Variants in DNMBP observed in about 807,000 individuals in gnomAD.
DNMBP encodes dynamin-binding protein.
Under a neutral mutation model 150.0 loss-of-function variants are expected in DNMBP, and 87 were observed. The observed-to-expected ratio is 0.58, with a 90% CI of 0.49 to 0.69. The LOEUF is 0.69. DNMBP is among the 30% of genes least tolerant of loss of function. The pLI is 0.00. For synonymous variants in DNMBP, 711 were observed against 750.4 expected, an observed-to-expected ratio of 0.95 and a Z score of 0.86; for missense variants, 1,774 against 1,949.0, an observed-to-expected ratio of 0.91 and a Z score of 1.69.
At chr10:99,879,558 G>A (rs2039330769) in intron 16 of DNMBP, among the ~76,000 whole-genome samples, 1 of 152,122 alleles carries the variant, frequency 6.6e-6, no homozygotes, top group Non-Finnish European at 1.5e-5. Context: ...GAATAATGAA[G>A]TTGTCATTAT....
At chr10:99,988,084 A>C (rs1198710048) in intron 1 of DNMBP, among the ~76,000 whole-genome samples, 2 of 152,194 alleles carry the variant, frequency 1.3e-5, no homozygotes, top group Admixed American at 1.3e-4. Context: ...TTAATAAAAA[A>C]AAAAATCATG....
chr10:99,886,624 C>A lies in DNMBP; in HGVS notation c.3294G>T (p.Arg1098Ser). 1 of 1,612,452 alleles carries A rather than the reference C, an allele frequency of 6.2e-7. No homozygotes were observed. Among genetic ancestry groups the A allele is most frequent in the African/African-American group, 1.3e-5 (1 of 74,914 alleles). Residue 1098 changes from arginine (R) to serine (S), a missense_variant, in exon 13 of 17, where the codon AGG becomes AGT. Coordinates refer to ENST00000324109, the MANE Select transcript of DNMBP (RefSeq NM_015221.4). ...SDQLFTNFKE[R>S]TERLVISPLN... ...AGGGGGAGATGACAAGCCGCTCTGTCCTCTCCTTCTGTAGGGACGAGAAAG... is the reference window on the plus strand; with the variant it reads ...AGGGGGAGATGACAAGCCGCTCTGTACTCTCCTTCTGTAGGGACGAGAAAG...
Position 99,972,067 on chromosome 10 carries a change from C to T in DNMBP, c.58G>A (p.Glu20Lys), listed in dbSNP as rs1166551504. The T allele has an allele frequency of 1.2e-6, 2 of 1,613,882 alleles. No homozygotes were observed. Among genetic ancestry groups the T allele is most frequent in the Non-Finnish European group, 1.7e-6 (2 of 1,179,986 alleles). Residue 20 changes from glutamate (E) to lysine (K), a missense_variant, in exon 2 of 17, where the codon GAA (glutamate) becomes AAA (lysine). By Grantham distance (56) the Glu-to-Lys change is moderately conservative. Around this residue, in one of 2 missense-constraint regions of DNMBP, gnomAD observed 344 missense variants for 456.6 expected, o/e 0.75. Coordinates refer to ENST00000324109, the MANE Select transcript of DNMBP (RefSeq NM_015221.4). ...IFDFCPSVSE[E>K]LPLFVGDIIE... ...ATATCTCCCACAAAGAGCGGCAGTT[C>T]TTCTGATACGCTAGGGCAGAAGTCA...
intron 4 of DNMBP, among the ~76,000 whole-genome samples, chr10:99,946,677 A>C (rs2040360537): frequency 6.6e-6 from 1 of 152,140 alleles, no homozygotes; most frequent in Non-Finnish European, 1.5e-5. Context: ...CCTAGTTAAC[A>C]CTCTTCTAGA....
At chr10:99,986,479 T>C (rs2040828125) in intron 1 of DNMBP, among the ~76,000 whole-genome samples, 1 of 151,484 alleles carries the variant, frequency 6.6e-6, no homozygotes, top group African/African-American at 2.4e-5. Flanking sequence ...TACTTTAAGC[T>C]GAATTTTGAA....
chr10:99,911,761 G>A (rs1471157438), intron 4 of DNMBP, among the ~76,000 whole-genome samples: 3 of 152,118 alleles, frequency 2.0e-5, no homozygotes, highest in African/African-American at 7.2e-5. Context: ...GAACTTTTTG[G>A]TAGAATGAAT....
rs773758559 is a variant in DNMBP at position 99,955,750 on chromosome 10, C to T, written c.1724G>A (p.Arg575His). 32 of 1,614,214 alleles carry T rather than the reference C, an allele frequency of 2.0e-5. No individual in the cohort carries two copies. Among genetic ancestry groups the T allele is most frequent in the Admixed American group, 1.5e-4 (9 of 60,028 alleles). ...GTTAAAGTCCATGATTGAAAAGTGG[C>T]GTAAAATTTTATCTGGCTCTGTGCC... ...GPGTEPDKILRHFSIMDFNSE... is the reference protein window; with the variant it reads ...GPGTEPDKILHHFSIMDFNSE... The change falls in exon 4 of 17, where the codon CGC becomes CAC. Residue 575 changes from arginine to histidine, a missense_variant. Arg to His is a conservative substitution (Grantham distance 29). This residue lies in a region of DNMBP where 1,430 missense variants were observed against 1,492.5 expected (regional missense o/e 0.96). Transcript: ENST00000324109.
intron 16 of DNMBP, among the ~76,000 whole-genome samples, chr10:99,877,758 C>A (rs571196236): frequency 6.6e-6 from 1 of 152,012 alleles, no homozygotes; most frequent in African/African-American, 2.4e-5. Flanking sequence ...CAGCTACTCA[C>A]GAGGCTGAGA....
chr10:99,951,517 G>A (rs1363829624), intron 4 of DNMBP, among the ~76,000 whole-genome samples: 2 of 152,236 alleles, frequency 1.3e-5, no homozygotes, highest in South Asian at 2.1e-4. Context: ...ACCCTGGAGA[G>A]CCACAGGGGC....
intron 1 of DNMBP, among the ~76,000 whole-genome samples, chr10:99,977,923 G>A (rs2040746209): frequency 1.3e-5 from 2 of 152,086 alleles, no homozygotes; most frequent in Admixed American, 1.3e-4. Flanking sequence ...TATGGCACTG[G>A]CAACAGTGCC....
chr10:99,971,296 G>A (rs771253599), intron 2 of DNMBP, among the ~76,000 whole-genome samples: 1 of 142,994 alleles, frequency 7.0e-6, no homozygotes, highest in African/African-American at 2.7e-5. Flanking sequence ...TTCCCATTTA[G>A]CTAGCTTTCT....
intron 1 of DNMBP, among the ~76,000 whole-genome samples, chr10:99,989,401 G>C (rs1245762185): frequency 6.6e-6 from 1 of 152,174 alleles, no homozygotes; most frequent in Non-Finnish European, 1.5e-5. Flanking sequence ...CTGGGCCCCA[G>C]AATGAAGACA....
intron 6 of DNMBP, among the ~76,000 whole-genome samples, chr10:99,903,681 G>A (rs7896859): frequency 6.6e-6 from 1 of 151,912 alleles, no homozygotes; most frequent in Non-Finnish European, 1.5e-5. Flanking sequence ...TCATCTGGTT[G>A]CACCATTCTA....
At chr10:99,943,841 T>C (rs996618203) in intron 4 of DNMBP, among the ~76,000 whole-genome samples, 1 of 152,260 alleles carries the variant, frequency 6.6e-6, no homozygotes, top group African/African-American at 2.4e-5. Flanking sequence ...AAAGACGTTA[T>C]TGTTCCATAT....
intron 1 of DNMBP, among the ~76,000 whole-genome samples, chr10:99,992,601 A>G (rs1250994968): frequency 6.9e-6 from 1 of 144,110 alleles, no homozygotes; most frequent in Non-Finnish European, 1.5e-5. Context: ...ATCTCGGCTC[A>G]CTGCAAGCTC....
At chr10:99,962,659 G>A (rs2040577595) in intron 3 of DNMBP, among the ~76,000 whole-genome samples, 1 of 151,996 alleles carries the variant, frequency 6.6e-6, no homozygotes, top group South Asian at 2.1e-4. Context: ...AAAACCACAA[G>A]TAATTTTTCC....
chr10:99,993,799 T>C (rs2040923230), intron 1 of DNMBP, among the ~76,000 whole-genome samples: 1 of 152,076 alleles, frequency 6.6e-6, no homozygotes, highest in South Asian at 2.1e-4. Flanking sequence ...CAAGACCCTG[T>C]CTTTAAAAAA....
Position 99,888,853 on chromosome 10 carries a change from T to C in DNMBP, c.3257A>G (p.Tyr1086Cys). Residue 1086 changes from tyrosine to cysteine, a missense_variant, in exon 12 of 17, where the codon TAC becomes TGC. Transcript: ENST00000324109. ...DLEQFERVHR[Y>C]ISDQLFTNFK... ...GTTTGTGAAGAGCTGGTCACTGATG[T>C]AGCGATGCACCCTCTCAAACTGCTC... The C allele has an allele frequency of 6.2e-7, 1 of 1,614,138 alleles. No individual in the cohort carries two copies. The highest frequency in any genetic ancestry group is 2.2e-5 in the East Asian group (1 of 44,878).
At chr10:99,915,907 T>C (rs2039960742) in intron 4 of DNMBP, among the ~76,000 whole-genome samples, 1 of 152,152 alleles carries the variant, frequency 6.6e-6, no homozygotes. Context: ...GGCTCCAGAG[T>C]CTGTGCTCTT....
Sources: gnomAD v4.1 joint callset for allele counts (sites outside exome capture counted in the v4.1 genomes callset) on GRCh38, gnomAD v4.1.1 for gene constraint, gnomAD v4.1.1 regional missense constraint, MANE v1.5 for transcripts, NCBI Gene and HGNC (gene_info 2026-07-23, HGNC 2026-07-21) for gene names.